TASOR: variants seen among roughly 807,000 people sequenced by gnomAD.
TASOR encodes the protein protein TASOR.
Under a neutral mutation model 178.6 loss-of-function variants are expected in TASOR, and 53 were observed. That is an observed-to-expected ratio of 0.30 (90% CI 0.24 to 0.37). The LOEUF (loss-of-function observed/expected upper bound fraction) is 0.37. Ranked by LOEUF, TASOR falls within the 10% of genes least tolerant of loss-of-function variation. The probability of loss-of-function intolerance (pLI) is 1.00; values close to 1 mark genes in which losing one functional copy is unlikely to be tolerated. For synonymous variants in TASOR, 713 were observed against 696.2 expected (o/e 1.02, Z -0.38); for missense variants, 1,815 against 1,971.4 (o/e 0.92, Z 1.50).
rs1325154873 is a variant in TASOR at position 56,627,048 on chromosome 3, C to T, written c.4128G>A (p.Lys1376=). 8 of 1,602,272 alleles carry T rather than the reference C, an allele frequency of 5.0e-6. No homozygotes were observed. In the African/African-American group the frequency reaches 1.1e-4, roughly 21 times the overall value. ...KVHCKFQKKL[K]ELGRLNAKAL... ...GTTTCAAAGCTTACCTGCCTAGTTC[C>T]TTTAGTTTCTTCTGAAATTTACAGT... is the stretch of plus-strand genomic sequence containing the variant. The change falls in exon 21 of 24, where the codon AAG becomes AAA. Residue 1376 remains lysine (K), a synonymous_variant. Coordinates refer to ENST00000683822, the MANE Select transcript of TASOR (RefSeq NM_001365635.2).
rs1159256916 is a variant in TASOR, at chr3:56,623,386, A to G, written c.4664T>C (p.Val1555Ala). 3 of 1,613,706 alleles carry G rather than the reference A, an allele frequency of 1.9e-6. No homozygotes were observed. The highest frequency in any genetic ancestry group is 1.7e-5 in the Admixed American group (1 of 60,010). The change falls in exon 24 of 24, where the codon GTG (valine) becomes GCG (alanine). Residue 1555 changes from valine (V) to alanine (A), a missense_variant. Coordinates refer to ENST00000683822, the MANE Select transcript of TASOR (RefSeq NM_001365635.2). ...CTTATCTTCTAATAAACTGTTTTGC[A>G]CATCAGGAGACGATTGCAACTCAAT... ...TQIELQSSPD[V>A]QNSLLEDKTY...
rs1278286505 is a variant in TASOR at position 56,633,907 on chromosome 3, C to T, written c.2884G>A (p.Asp962Asn). Residue 962 changes from aspartate (D) to asparagine (N), a missense_variant, in exon 18 of 24, where the codon GAC (aspartate) becomes AAC (asparagine). By Grantham distance (23) the Asp-to-Asn change is conservative. Coordinates refer to ENST00000683822, the MANE Select transcript of TASOR (RefSeq NM_001365635.2). ...CTCTGTCTATTTATTACCCGGGGGT[C>T]GTTAGGAAAGGCCTCCTGTGGTGGC... is the stretch of plus-strand genomic sequence containing the variant. ...CVPPQEAFPN[D>N]PRVINRQRSS... is the part of the protein sequence containing the mutation. 3 of 1,572,794 alleles carry T rather than the reference C, an allele frequency of 1.9e-6. No individual in the cohort carries two copies. Among genetic ancestry groups the T allele is most frequent in the East Asian group, 2.3e-5 (1 of 42,742 alleles).
intron 1 of TASOR, 83 bp downstream of exon 1, chr3:56,682,593 G>T (rs975684769): frequency 7.9e-7 from 1 of 1,271,026 alleles, no homozygotes; most frequent in Non-Finnish European, 1.1e-6. Context: ...TCTCGGATGG[G>T]TGTGGGAAGA....
rs1185363981 is a variant in TASOR, at chr3:56,664,532, G to T, written c.1023-960C>A. Among the ~76,000 whole-genome samples, 115 of 152,124 alleles carry T rather than the reference G, an allele frequency of 7.6e-4. 2 individuals are homozygous for T. The highest frequency in any genetic ancestry group is 5.9e-5 in the Non-Finnish European group (4 of 68,020). ...CCAAGGATTATTCACCTACATAAAA[G>T]GACCGTAAATGGAAGAGAAGATAAT... On this transcript the variant is annotated intron_variant, in intron 7 of 23. Coordinates refer to ENST00000683822, the MANE Select transcript of TASOR (RefSeq NM_001365635.2).
intron 1 of TASOR, among the ~76,000 whole-genome samples, chr3:56,681,656 A>G (rs893872557): frequency 4.6e-5 from 7 of 152,222 alleles, no homozygotes; most frequent in African/African-American, 1.7e-4. Context: ...TTTCCAAAGT[A>G]AATAATGAAA....
At chr3:56,624,415 A>C in intron 23 of TASOR, 64 bp downstream of exon 23, 1 of 1,536,378 alleles carries the variant, frequency 6.5e-7, no homozygotes, top group Non-Finnish European at 8.9e-7. Flanking sequence ...ATTATTTGGT[A>C]ACAGCAAAAC....
Position 56,660,948 on chromosome 3 carries a change from C to G in TASOR, c.1230G>C (p.Leu410=). 1 of 1,611,990 alleles carries G rather than the reference C, an allele frequency of 6.2e-7. No individual in the cohort carries two copies. The highest frequency in any genetic ancestry group is 1.3e-5 in the African/African-American group (1 of 74,998). Residue 410 remains leucine, a synonymous_variant, in exon 10 of 24, where the codon CTG becomes CTC. Coordinates refer to ENST00000683822, the MANE Select transcript of TASOR (RefSeq NM_001365635.2). ...DHLKQKIPPA[L]FYKETYLGPN... ...GACCTAAGTATGTTTCCTTATAAAA[C>G]AGTGCTGGAGGGATTTTCTGTTTCA...
intron 18 of TASOR, among the ~76,000 whole-genome samples, chr3:56,629,600 G>A (rs1305798903): frequency 6.6e-6 from 1 of 152,124 alleles, no homozygotes; most frequent in Non-Finnish European, 1.5e-5. Flanking sequence ...CTCCATGCTG[G>A]TGAACATGGT....
At chr3:56,659,674 T>C (rs2107607936) in intron 11 of TASOR, among the ~76,000 whole-genome samples, 1 of 152,330 alleles carries the variant, frequency 6.6e-6, no homozygotes, top group Non-Finnish European at 1.5e-5. Context: ...AGATCTTATG[T>C]TGCATACACT....
At chr3:56,625,728 A>G (rs2076784151) in intron 21 of TASOR, among the ~76,000 whole-genome samples, 1 of 151,600 alleles carries the variant, frequency 6.6e-6, no homozygotes, top group Non-Finnish European at 1.5e-5. Context: ...TCTGTCGCCG[A>G]TTCTCCTGCC....
Position 56,628,501 on chromosome 3 carries a change from G to A in TASOR, c.3861C>T (p.Phe1287=), listed in dbSNP as rs1035622426. 16 of 1,600,188 alleles carry A rather than the reference G, an allele frequency of 1.0e-5. No individual in the cohort carries two copies. Among genetic ancestry groups the A allele is most frequent in the Non-Finnish European group, 1.4e-5 (16 of 1,174,682 alleles). ...IIIQNEDIAG[F]IHKIPGLVTL... Reference sequence around the variant, plus strand: ...TGACTTAATAGTCTACCTTGTGAATGAAACCTGCAATGTCTTCATTTTGAA... The same window carrying A: ...TGACTTAATAGTCTACCTTGTGAATAAAACCTGCAATGTCTTCATTTTGAA... The change falls in exon 19 of 24, where the codon TTC becomes TTT. Residue 1287 remains phenylalanine, a synonymous_variant. Transcript: ENST00000683822.
At chr3:56,642,303 T>G (rs1387198016) in intron 14 of TASOR, among the ~76,000 whole-genome samples, 1 of 152,188 alleles carries the variant, frequency 6.6e-6, no homozygotes, top group Admixed American at 6.5e-5. Context: ...TGAAGAAATC[T>G]CCACGAAATT....
At position 56,625,016 on chromosome 3, in the gene TASOR, T is replaced by G; in HGVS notation, c.4140-10A>C. The G allele has an allele frequency of 6.2e-7, 1 of 1,611,282 alleles. No homozygotes were observed. Among genetic ancestry groups the G allele is most frequent in the Non-Finnish European group, 8.5e-7 (1 of 1,178,762 alleles). ...AGCTTTAGCATTCAATCTGTGAAAT[T>G]AAGCAGTTCAGTTTCTGGATCTGTA... On this transcript the variant is annotated splice_polypyrimidine_tract_variant and intron_variant, in intron 21 of 23. Transcript: ENST00000683822.
chr3:56,621,339 CAG>C lies in TASOR; in HGVS notation c.*1696_*1697del. 1 of 389,344 alleles carries C rather than the reference CAG, an allele frequency of 2.6e-6. No homozygotes were observed. Among genetic ancestry groups the C allele is most frequent in the Non-Finnish European group, 4.6e-6 (1 of 216,972 alleles). The allele number at this position is 389,344 out of a possible 1,614,324, so 24.1% of individuals were successfully genotyped here. On this transcript the variant is annotated 3_prime_UTR_variant, in exon 24 of 24. Coordinates refer to ENST00000683822, the MANE Select transcript of TASOR (RefSeq NM_001365635.2). ...TCCCTATTGATTTTTATGCTAAAAA[CAG>C]AATCTTACAAATGTGATAGCTATAT... is the stretch of plus-strand genomic sequence containing the variant.
chr3:56,621,543 G>A lies in TASOR; in HGVS notation c.*1494C>T, dbSNP rs765077458. ...CAATGTGATTTCAGGGCCTTCTCCAGAAGCAAAAGGAGTTGGAAAGTAGTC... is the reference window on the plus strand; with the variant it reads ...CAATGTGATTTCAGGGCCTTCTCCAAAAGCAAAAGGAGTTGGAAAGTAGTC... On this transcript the variant is annotated 3_prime_UTR_variant, in exon 24 of 24. Transcript: ENST00000683822. 6.3e-7 allele frequency: 1 copy of A among 1,591,898 alleles called. No homozygotes were observed. The highest frequency in any genetic ancestry group is 8.5e-7 in the Non-Finnish European group (1 of 1,169,752).
At position 56,641,517 on chromosome 3, in the gene TASOR, G is replaced by A; in HGVS notation, c.2451C>T (p.Asn817=). 1 of 1,614,126 alleles carries A rather than the reference G, an allele frequency of 6.2e-7. No homozygotes were observed. The highest frequency in any genetic ancestry group is 8.5e-7 in the Non-Finnish European group (1 of 1,179,964). ...ELRQKHEYEL[N]STPDKKDYEQ... is the part of the protein sequence containing the mutation. The stretch of plus-strand genomic sequence containing the variant: ...CATAGTCTTTCTTATCTGGGGTAGA[G>A]TTCAACTCATACTCATGTTTTTGCC... Residue 817 remains asparagine (N), a synonymous_variant, in exon 15 of 24, where the codon AAC becomes AAT. Coordinates refer to ENST00000683822, the MANE Select transcript of TASOR (RefSeq NM_001365635.2).
At chr3:56,635,918 T>TA (rs2077006390) in intron 17 of TASOR, among the ~76,000 whole-genome samples, 1 of 152,218 alleles carries the variant, frequency 6.6e-6, no homozygotes, top group African/African-American at 2.4e-5. Context: ...TTTCCATAAT[T>TA]AAAAACCTCT....
In TASOR at chr3:56,654,697, C is replaced by T. The variant is rs530126545; in HGVS notation, c.1369-5640G>A. On this transcript the variant is annotated intron_variant, in intron 11 of 23. Coordinates refer to ENST00000683822, the MANE Select transcript of TASOR (RefSeq NM_001365635.2). ...CTGAAGGCCTAAAGAGAATGAAAGG[C>T]AAACCCTAACCCCCACAACAAAAGA... Among the ~76,000 whole-genome samples, 6 of 152,256 alleles carry T rather than the reference C, an allele frequency of 3.9e-5. No homozygotes were observed. In the East Asian group the frequency reaches 1.2e-3, roughly 29 times the overall value.
intron 18 of TASOR, among the ~76,000 whole-genome samples, chr3:56,631,568 G>A (rs907327439): frequency 4.1e-5 from 6 of 145,312 alleles, no homozygotes; most frequent in African/African-American, 1.6e-4. Flanking sequence ...GTGTGTGTGT[G>A]TGTCTGTGTT....
Sources: gnomAD v4.1 joint callset for allele counts (sites outside exome capture counted in the v4.1 genomes callset) on GRCh38, gnomAD v4.1.1 for gene constraint, MANE v1.5 for transcripts, NCBI Gene and HGNC (gene_info 2026-07-23, HGNC 2026-07-21) for gene names.